The following SMG6 variants were observed in gnomAD, a reference collection of about 807,000 sequenced individuals.
SMG6 encodes SMG6 nonsense mediated mRNA decay factor, also known as telomerase-binding protein EST1A.
A neutral mutation model predicts 142.2 loss-of-function variants in SMG6; 66 were observed. That is an observed-to-expected ratio of 0.46 (90% CI 0.38 to 0.57). The LOEUF is 0.57. Among genes scored for constraint, SMG6 ranks in the 20% least tolerant of loss-of-function variants. The pLI, the probability that SMG6 is intolerant of heterozygous loss-of-function variation, is 0.00. For synonymous variants in SMG6, 779 were observed against 702.4 expected (o/e 1.11, Z -1.72); for missense variants, 1,793 against 1,832.0 (o/e 0.98, Z 0.39).
intron 8 of SMG6, among the ~76,000 whole-genome samples, chr17:2,263,318 TC>T (rs1243968495): frequency 2.0e-5 from 3 of 152,130 alleles, no homozygotes; most frequent in Non-Finnish European, 2.9e-5. Context: ...CTTCTCTAGG[TC>T]TCTTTTTTAT....
chr17:2,068,635 C>T lies in SMG6; in HGVS notation c.3835+143G>A, dbSNP rs747742700. 4 of 765,340 alleles carry T rather than the reference C, an allele frequency of 5.2e-6. No homozygotes were observed. The highest frequency in any genetic ancestry group is 8.2e-6 in the Non-Finnish European group (4 of 485,086). 47.4% of individuals were successfully genotyped at this position (765,340 alleles called of 1,614,324 possible). A position where few individuals can be genotyped will look rare whatever the true frequency, so the allele number is the denominator to read the frequency against. On this transcript the variant is annotated intron_variant, in intron 16 of 18. Coordinates refer to ENST00000263073, the MANE Select transcript of SMG6 (RefSeq NM_017575.5). This position sits in a 1 kb window ranked among gnomAD's most constrained non-coding sequence, Gnocchi z 6.7. ...TGATTATTAAACAGTTTTCTTTGCC[C>T]CACGCGTTCCCTACTCCCCTGCAAA...
intron 10 of SMG6, among the ~76,000 whole-genome samples, chr17:2,226,961 A>C (rs1039529464): frequency 6.6e-6 from 1 of 152,226 alleles, no homozygotes; most frequent in Non-Finnish European, 1.5e-5. Context: ...GAAGATATAC[A>C]AGTGGCAAAT....
chr17:2,288,213 C>A (rs2074950511), intron 6 of SMG6, among the ~76,000 whole-genome samples: 1 of 152,086 alleles, frequency 6.6e-6, no homozygotes, highest in African/African-American at 2.4e-5. Flanking sequence ...ACTCAGGAAG[C>A]TGAGAAAGGA....
chr17:2,170,066 C>T (rs1597511205), intron 13 of SMG6, among the ~76,000 whole-genome samples: 1 of 152,106 alleles, frequency 6.6e-6, no homozygotes, highest in East Asian at 1.9e-4. Flanking sequence ...CTGCCATTTA[C>T]CAAGATGGGG....
intron 13 of SMG6, among the ~76,000 whole-genome samples, chr17:2,153,693 T>G (rs1215617005): frequency 1.3e-4 from 13 of 97,350 alleles, no homozygotes; most frequent in African/African-American, 1.7e-4. Context: ...TGACGGTGAC[T>G]GGGGAACCTG....
chr17:2,281,635 G>C (rs535285244), intron 8 of SMG6, among the ~76,000 whole-genome samples: 1 of 152,078 alleles, frequency 6.6e-6, no homozygotes, highest in Non-Finnish European at 1.5e-5. Context: ...TTTACAAAGC[G>C]GCCAGGGTTT....
At chr17:2,106,073 G>C (rs1163994024) in intron 13 of SMG6, among the ~76,000 whole-genome samples, 1 of 152,182 alleles carries the variant, frequency 6.6e-6, no homozygotes, top group Non-Finnish European at 1.5e-5. Context: ...CTTGATCTTG[G>C]AGAAGGTATG....
intron 13 of SMG6, among the ~76,000 whole-genome samples, chr17:2,097,861 TAGCAG>T (rs1356423498): frequency 6.6e-6 from 1 of 152,202 alleles, no homozygotes; most frequent in African/African-American, 2.4e-5. Flanking sequence ...CGTGACCTGG[TAGCAG>T]AGCAGAGAGT....
chr17:2,129,986 G>A (rs1035395249), intron 13 of SMG6, among the ~76,000 whole-genome samples: 1 of 151,410 alleles, frequency 6.6e-6, no homozygotes, highest in Non-Finnish European at 1.5e-5. Context: ...GGCTGGGGGC[G>A]AGGTGGCTCA....
At chr17:2,157,248 CAGG>C (rs2071035950) in intron 13 of SMG6, among the ~76,000 whole-genome samples, 1 of 152,170 alleles carries the variant, frequency 6.6e-6, no homozygotes, top group South Asian at 2.1e-4. Context: ...CTGAGACTCC[CAGG>C]AGAACAGTGA....
chr17:2,221,656 A>C (rs1387755310), intron 10 of SMG6, among the ~76,000 whole-genome samples: 2 of 152,260 alleles, frequency 1.3e-5, no homozygotes, highest in Non-Finnish European at 2.9e-5. Context: ...AAAAACAAGG[A>C]AAGACAGTAA....
chr17:2,112,368 C>T (rs890161701), intron 13 of SMG6, among the ~76,000 whole-genome samples: 20 of 151,440 alleles, frequency 1.3e-4, no homozygotes, highest in African/African-American at 4.4e-4. Context: ...ATTAGCCAGG[C>T]GTCGTGGCGG....
Position 2,061,537 on chromosome 17 carries a change from A to G in SMG6, c.4215T>C (p.Pro1405=), listed in dbSNP as rs1027491780. The stretch of plus-strand genomic sequence containing the variant: ...TGAGGAAGGCTGGGATGTCCCGTAC[A>G]GGAACATTCCTTGTGAGCGCCTTCA... ...LRVKALTRNV[P]VRDIPAFLTW... Residue 1405 remains proline, a synonymous_variant, in exon 19 of 19, where the codon CCT becomes CCC. Coordinates refer to ENST00000263073, the MANE Select transcript of SMG6 (RefSeq NM_017575.5). 1.4e-5 allele frequency: 22 copies of G among 1,575,698 alleles called. No homozygotes were observed. Among genetic ancestry groups the G allele is most frequent in the Non-Finnish European group, 1.8e-5 (21 of 1,160,334 alleles).
intron 16 of SMG6, among the ~76,000 whole-genome samples, chr17:2,066,387 T>TGTGA (rs2067950482): frequency 6.6e-6 from 1 of 151,730 alleles, no homozygotes; most frequent in Non-Finnish European, 1.5e-5. Flanking sequence ...TGTGTGTGTG[T>TGTGA]GTGTGCCTGT....
At chr17:2,087,657 A>G in intron 13 of SMG6, 1 of 995,608 alleles carries the variant, frequency 1.0e-6, no homozygotes, top group Non-Finnish European at 1.2e-6. Flanking sequence ...GGCCCAGGGC[A>G]GGTAAGCCTG....
At chr17:2,288,601 G>GA (rs1464266614) in intron 6 of SMG6, among the ~76,000 whole-genome samples, 1 of 142,632 alleles carries the variant, frequency 7.0e-6, no homozygotes, top group African/African-American at 2.6e-5. Context: ...CAGCCTGGGT[G>GA]ACAGAGACCT....
chr17:2,236,451 A>C (rs752015858), intron 10 of SMG6, 41 bp downstream of exon 10: 14 of 1,511,838 alleles, frequency 9.3e-6, no homozygotes, highest in African/African-American at 1.4e-5. Context: ...ATTAATCTCT[A>C]TCTGTCTATA....
intron 13 of SMG6, among the ~76,000 whole-genome samples, chr17:2,090,182 CAAAAA>C (rs71150849): frequency 3.1e-5 from 3 of 96,666 alleles, no homozygotes; most frequent in African/African-American, 4.1e-5. Context: ...GACTCTGTCT[CAAAAA>C]AAAAAAAAAA....
intron 13 of SMG6, among the ~76,000 whole-genome samples, chr17:2,122,038 T>G (rs1441958350): frequency 6.6e-6 from 1 of 152,170 alleles, no homozygotes; most frequent in Non-Finnish European, 1.5e-5. Flanking sequence ...TTCACCATGT[T>G]GGCCAGGATG....
Sources: allele counts gnomAD v4.1 joint callset (sites outside exome capture counted in the v4.1 genomes callset), GRCh38; gene constraint gnomAD v4.1.1; non-coding constraint Gnocchi (gnomAD v3.1); transcripts MANE v1.5; gene names NCBI Gene and HGNC (gene_info 2026-07-23, HGNC 2026-07-21).